The following CNTN6 variants were observed in gnomAD, a reference collection of about 807,000 sequenced individuals.
CNTN6 encodes the protein contactin 6, also known as contactin-6.
A neutral mutation model predicts 122.8 loss-of-function variants in CNTN6; 137 were observed. The observed-to-expected ratio is 1.12, with a 90% CI of 0.97 to 1.29. CNTN6 has a LOEUF of 1.29. Among genes scored for constraint, CNTN6 ranks in the 50% most tolerant of loss-of-function variants. The pLI is 0.00. For missense variants in CNTN6, 1,634 were observed against 1,223.4 expected, an observed-to-expected ratio of 1.34 and a Z score of -5.01; for synonymous variants, 570 against 426.0, an observed-to-expected ratio of 1.34 and a Z score of -4.16.
chr3:1,367,626 G>A (rs1161338659), intron 12 of CNTN6, among the ~76,000 whole-genome samples: 5 of 152,010 alleles, frequency 3.3e-5, no homozygotes, highest in Non-Finnish European at 7.4e-5. Flanking sequence ...ATACCCACAT[G>A]CATATGTGGC....
intron 7 of CNTN6, among the ~76,000 whole-genome samples, chr3:1,301,123 G>T (rs1380084970): frequency 2.1e-5 from 3 of 139,544 alleles, no homozygotes; most frequent in Non-Finnish European, 4.5e-5. Flanking sequence ...TGCAACCTCC[G>T]CGTCCCCGGT....
chr3:1,337,980 C>G (rs531921244), intron 11 of CNTN6, among the ~76,000 whole-genome samples: 253 of 152,174 alleles, frequency 1.7e-3, no homozygotes, highest in Non-Finnish European at 3.0e-3. Flanking sequence ...CACCCAGATG[C>G]CATGGTCTGA....
rs1575948493 is a variant in CNTN6, at chr3:1,377,091, AC to A, written c.2166+17del. 1 of 1,565,532 alleles carries A rather than the reference AC, an allele frequency of 6.4e-7. No homozygotes were observed. Among genetic ancestry groups the A allele is most frequent in the East Asian group, 2.3e-5 (1 of 44,090 alleles). On this transcript the variant is annotated intron_variant, in intron 17 of 22. Transcript: ENST00000446702. ...TACGTGGGAGGTAATTTTCTGTCCA[AC>A]TGAGTTATTTTGAAGAAAAGAGATT... is the stretch of plus-strand genomic sequence containing the variant.
intron 2 of CNTN6, among the ~76,000 whole-genome samples, chr3:1,201,096 A>ATT (rs758572480): frequency 1.9e-5 from 2 of 104,258 alleles, no homozygotes; most frequent in African/African-American, 7.4e-5. Flanking sequence ...CCCAGCTAAC[A>ATT]TTTTGTGTGT....
At chr3:1,182,548 G>A (rs1499099) in intron 2 of CNTN6, among the ~76,000 whole-genome samples, 47,934 of 151,554 alleles carry the variant, frequency 0.32, 7,866 homozygotes, top group Non-Finnish European at 0.36. Flanking sequence ...AGCATTAATC[G>A]GCATTCTGTA....
chr3:1,117,472 G>A (rs1248218938), intron 1 of CNTN6, among the ~76,000 whole-genome samples: 1 of 152,150 alleles, frequency 6.6e-6, no homozygotes, highest in African/African-American at 2.4e-5. Flanking sequence ...AGTTTTGTTT[G>A]ATCGGTATGT....
intron 11 of CNTN6, among the ~76,000 whole-genome samples, chr3:1,348,775 A>C (rs1183094122): frequency 6.6e-6 from 1 of 151,914 alleles, no homozygotes; most frequent in African/African-American, 2.4e-5. Flanking sequence ...TGAGTCACTT[A>C]TTGCTTCTCT....
At chr3:1,258,132 C>G (rs2094789402) in intron 4 of CNTN6, among the ~76,000 whole-genome samples, 1 of 152,130 alleles carries the variant, frequency 6.6e-6, no homozygotes, top group Admixed American at 6.6e-5. Flanking sequence ...AAAGCCAATT[C>G]TGGTCCCAGA....
intron 2 of CNTN6, among the ~76,000 whole-genome samples, chr3:1,151,450 TAA>T (rs140094409): frequency 0.05 from 7,603 of 152,238 alleles, 627 homozygotes; most frequent in African/African-American, 0.17. Flanking sequence ...AATAACGTTT[TAA>T]AAGTTTTAAA....
intron 11 of CNTN6, among the ~76,000 whole-genome samples, chr3:1,332,523 G>GGGTGAGC (rs71887070): frequency 6.7e-6 from 1 of 150,160 alleles, no homozygotes; most frequent in African/African-American, 2.5e-5. Context: ...AGGAAGGAAG[G>GGGTGAGC]AAGGAAGGAG....
At chr3:1,394,456 G>A (rs1694725951) in intron 20 of CNTN6, 1 of 158,074 alleles carries the variant, frequency 6.3e-6, no homozygotes, top group Non-Finnish European at 1.4e-5. Context: ...GCCGAGCTGG[G>A]TGACGGGTTG....
intron 11 of CNTN6, among the ~76,000 whole-genome samples, chr3:1,336,071 C>CA (rs1559859059): frequency 3.3e-5 from 5 of 151,354 alleles, no homozygotes; most frequent in African/African-American, 1.2e-4. Context: ...CAAACAACAA[C>CA]AACAAAAAAA....
chr3:1,334,089 C>T (rs547090134), intron 11 of CNTN6, among the ~76,000 whole-genome samples: 3 of 152,136 alleles, frequency 2.0e-5, no homozygotes, highest in African/African-American at 7.2e-5. Context: ...TTTATAGCAG[C>T]CTGTCAGAGG....
At chr3:1,184,745 G>A (rs1460969353) in intron 2 of CNTN6, among the ~76,000 whole-genome samples, 1 of 152,044 alleles carries the variant, frequency 6.6e-6, no homozygotes. Context: ...GAAATGATCT[G>A]GATAGCTAAA....
At position 1,321,986 on chromosome 3, in the gene CNTN6, G is replaced by A. The variant is rs186364011; in HGVS notation, c.946+152G>A. On this transcript the variant is annotated intron_variant, in intron 8 of 22. Transcript: ENST00000446702. The stretch of plus-strand genomic sequence containing the variant: ...TAGATGCTTAACACAATGATTAGCA[G>A]ATGGGAATGACCACCTTTAAAATAT... 2.2e-4 allele frequency: 137 copies of A among 621,910 alleles called. 2 individuals are homozygous for A. In the Admixed American group the frequency reaches 3.6e-3, roughly 16 times the overall value. The allele number at this position is 621,910 out of a possible 1,614,324, so 38.5% of individuals were successfully genotyped here.
At chr3:1,164,344 A>G (rs1294170772) in intron 2 of CNTN6, among the ~76,000 whole-genome samples, 1 of 152,260 alleles carries the variant, frequency 6.6e-6, no homozygotes, top group Non-Finnish European at 1.5e-5. Flanking sequence ...CCAGTGCCCA[A>G]GAGGGCTTGT....
chr3:1,326,403 T>G (rs1466543077), intron 9 of CNTN6, among the ~76,000 whole-genome samples: 1 of 151,874 alleles, frequency 6.6e-6, no homozygotes, highest in Non-Finnish European at 1.5e-5. Context: ...GGCTACTTGT[T>G]TAAGGTCACA....
At chr3:1,314,050 T>G (rs1173492684) in intron 7 of CNTN6, among the ~76,000 whole-genome samples, 3 of 152,048 alleles carry the variant, frequency 2.0e-5, no homozygotes, top group African/African-American at 7.2e-5. Context: ...AAACATTCAT[T>G]TCCTAGTAGG....
At chr3:1,239,327 G>A (rs2094455344) in intron 4 of CNTN6, among the ~76,000 whole-genome samples, 1 of 152,326 alleles carries the variant, frequency 6.6e-6, no homozygotes, top group South Asian at 2.1e-4. Context: ...AAAGTTTCCA[G>A]ATACAAAATT....
Sources: allele counts gnomAD v4.1 joint callset (sites outside exome capture counted in the v4.1 genomes callset), GRCh38; gene constraint gnomAD v4.1.1; transcripts MANE v1.5; gene names NCBI Gene and HGNC (gene_info 2026-07-23, HGNC 2026-07-21).